The following KIAA1328 variants were observed in gnomAD, a reference collection of about 807,000 sequenced individuals.
KIAA1328 encodes protein hinderin.
A neutral mutation model predicts 68.1 loss-of-function variants in KIAA1328; 52 were observed. That is an observed-to-expected ratio of 0.76 (90% CI 0.61 to 0.96). The LOEUF (loss-of-function observed/expected upper bound fraction) is 0.96, where lower values mean the gene tolerates loss of function less well. Ranked by LOEUF, KIAA1328 falls within the 40% of genes least tolerant of loss-of-function variation. The pLI, the probability that KIAA1328 is intolerant of heterozygous loss-of-function variation, is 0.00. For synonymous variants in KIAA1328, 232 were observed against 239.4 expected (o/e 0.97, Z 0.28); for missense variants, 641 against 677.6 (o/e 0.95, Z 0.60).
intron 5 of KIAA1328, among the ~76,000 whole-genome samples, chr18:36,909,980 GT>G (rs902691601): frequency 2.0e-5 from 3 of 151,790 alleles, no homozygotes; most frequent in African/African-American, 7.3e-5. Context: ...TGATGGGGTT[GT>G]TTTTTTTGTG....
At chr18:36,890,521 A>T (rs2150998224) in intron 5 of KIAA1328, among the ~76,000 whole-genome samples, 1 of 152,208 alleles carries the variant, frequency 6.6e-6, no homozygotes, top group South Asian at 2.1e-4. Flanking sequence ...AAATACAAAA[A>T]TTAGCCGGGC....
downstream of KIAA1328, among the ~76,000 whole-genome samples, chr18:37,228,830 A>T: frequency 6.6e-6 from 1 of 152,144 alleles, no homozygotes; most frequent in South Asian, 2.1e-4. Flanking sequence ...AGAAAAAAAA[A>T]AGAAAAAAAA....
Position 37,223,529 on chromosome 18 carries a change from T to G in KIAA1328, c.*1302T>G. On this transcript the variant is annotated 3_prime_UTR_variant, in exon 10 of 10. Transcript: ENST00000280020. ...GGAGGGTGTGTTCCCAGATGTGTAT[T>G]ACTTGGGAATTTTATTTGATCTGGA... 1.0e-6 allele frequency: 1 copy of G among 985,392 alleles called. No homozygotes were observed. Among genetic ancestry groups the G allele is most frequent in the Non-Finnish European group, 1.2e-6 (1 of 829,928 alleles). The allele number at this position is 985,392 out of a possible 1,614,324, so 61.0% of individuals were successfully genotyped here. A position where few individuals can be genotyped will look rare whatever the true frequency, so the allele number is the denominator to read the frequency against.
At chr18:37,148,750 G>C (rs577265691) in intron 7 of KIAA1328, among the ~76,000 whole-genome samples, 2 of 152,202 alleles carry the variant, frequency 1.3e-5, no homozygotes, top group Middle Eastern at 6.8e-3. Flanking sequence ...ATGTTTGTTG[G>C]CTGCGTGAAT....
At chr18:36,900,544 T>A (rs2049003622) in intron 5 of KIAA1328, among the ~76,000 whole-genome samples, 3 of 152,002 alleles carry the variant, frequency 2.0e-5, no homozygotes, top group Admixed American at 2.0e-4. Flanking sequence ...TCAGTTGCTT[T>A]AGTATGAATT....
At chr18:37,167,724 A>G (rs951744027) in intron 8 of KIAA1328, among the ~76,000 whole-genome samples, 5 of 151,970 alleles carry the variant, frequency 3.3e-5, no homozygotes, top group African/African-American at 9.7e-5. Flanking sequence ...TTATGGGCAC[A>G]GGATGTGGGG....
At chr18:37,159,983 G>A (rs1274568194) in intron 7 of KIAA1328, among the ~76,000 whole-genome samples, 13 of 152,136 alleles carry the variant, frequency 8.5e-5, no homozygotes, top group Non-Finnish European at 1.9e-4. Flanking sequence ...AACTCCCAGT[G>A]TAAGCTTTTT....
chr18:37,015,825 G>A (rs1449766707), intron 6 of KIAA1328, among the ~76,000 whole-genome samples: 1 of 152,164 alleles, frequency 6.6e-6, no homozygotes, highest in Non-Finnish European at 1.5e-5. Flanking sequence ...GTATAGAAAT[G>A]CTACTCATTT....
At chr18:37,086,887 AC>A (rs1438076950) in intron 7 of KIAA1328, among the ~76,000 whole-genome samples, 1 of 152,162 alleles carries the variant, frequency 6.6e-6, no homozygotes, top group Admixed American at 6.5e-5. Flanking sequence ...CATAAGTTAC[AC>A]CTTTTTCCAT....
chr18:36,965,523 A>C (rs1175499669), intron 6 of KIAA1328, among the ~76,000 whole-genome samples: 1 of 41,962 alleles, frequency 2.4e-5, no homozygotes, highest in African/African-American at 8.5e-5. Context: ...CGTGGTGGCC[A>C]CCACGCCTGG....
At chr18:37,027,019 G>A (rs1460124312) in intron 6 of KIAA1328, among the ~76,000 whole-genome samples, 1 of 152,180 alleles carries the variant, frequency 6.6e-6, no homozygotes, top group African/African-American at 2.4e-5. Context: ...AGCAACTTTA[G>A]CAAAGTCTCT....
intron 4 of KIAA1328, among the ~76,000 whole-genome samples, chr18:36,872,245 TG>T (rs1474201410): frequency 6.6e-6 from 1 of 152,024 alleles, no homozygotes; most frequent in Non-Finnish European, 1.5e-5. Context: ...CCAAGAACTA[TG>T]GAAGAGGAAC....
chr18:37,080,897 C>T (rs1249234260), intron 7 of KIAA1328, among the ~76,000 whole-genome samples: 1 of 151,762 alleles, frequency 6.6e-6, no homozygotes, highest in African/African-American at 2.4e-5. Context: ...AAACAAAGTT[C>T]TTTCCAATCA....
chr18:37,217,287 T>G (rs1330974178), intron 9 of KIAA1328, among the ~76,000 whole-genome samples: 1 of 152,178 alleles, frequency 6.6e-6, no homozygotes, highest in Non-Finnish European at 1.5e-5. Context: ...ATTTGGCATG[T>G]TTTTGCGGTG....
chr18:37,135,061 A>G (rs1446373717), intron 7 of KIAA1328, among the ~76,000 whole-genome samples: 1 of 152,188 alleles, frequency 6.6e-6, no homozygotes, highest in Non-Finnish European at 1.5e-5. Context: ...GTAGTATTTC[A>G]TAGTGTATAC....
chr18:36,923,032 T>C (rs1166301662), intron 5 of KIAA1328, among the ~76,000 whole-genome samples: 2 of 152,288 alleles, frequency 1.3e-5, no homozygotes, highest in East Asian at 3.9e-4. Flanking sequence ...TTTTTTCCTT[T>C]AATTTTTTCT....
At chr18:36,882,662 A>G (rs2048361865) in intron 4 of KIAA1328, among the ~76,000 whole-genome samples, 1 of 152,242 alleles carries the variant, frequency 6.6e-6, no homozygotes, top group Non-Finnish European at 1.5e-5. Flanking sequence ...AGCCCTGCTT[A>G]ATAATGTAGC....
downstream of KIAA1328, chr18:37,231,163 C>T (rs2060662436): frequency 6.6e-6 from 1 of 152,148 alleles, no homozygotes; most frequent in Non-Finnish European, 1.5e-5. Context: ...TGTTATAGCC[C>T]ACCTCAATCT....
At chr18:37,020,507 C>G (rs1405477813) in intron 6 of KIAA1328, among the ~76,000 whole-genome samples, 1 of 152,176 alleles carries the variant, frequency 6.6e-6, no homozygotes, top group African/African-American at 2.4e-5. Flanking sequence ...GTTAGATTTC[C>G]TAATATTCAG....
Sources: gnomAD v4.1 joint callset for allele counts (sites outside exome capture counted in the v4.1 genomes callset) on GRCh38, gnomAD v4.1.1 for gene constraint, MANE v1.5 for transcripts, NCBI Gene and HGNC (gene_info 2026-07-23, HGNC 2026-07-21) for gene names.